RBFOX1: variants seen among roughly 807,000 people sequenced by gnomAD.
RBFOX1 encodes RNA binding protein fox-1 homolog 1.
A neutral mutation model predicts 57.7 loss-of-function variants in RBFOX1; 8 were observed. That is an observed-to-expected ratio of 0.14 (90% CI 0.08 to 0.25). The LOEUF (loss-of-function observed/expected upper bound fraction) is 0.25, where lower values mean the gene tolerates loss of function less well. Ranked by LOEUF, RBFOX1 falls within the 10% of genes least tolerant of loss-of-function variation. The pLI is 1.00. For synonymous variants in RBFOX1, 326 were observed against 222.4 expected (o/e 1.47, Z -4.15); for missense variants, 611 against 548.5 (o/e 1.11, Z -1.14).
intron 1 of RBFOX1, among the ~76,000 whole-genome samples, chr16:6,148,787 A>G (rs1427358013): frequency 6.6e-6 from 1 of 152,192 alleles, no homozygotes; most frequent in Non-Finnish European, 1.5e-5. Flanking sequence ...TAAAACCACA[A>G]GGGTGGAGTG....
intron 4 of RBFOX1, among the ~76,000 whole-genome samples, chr16:7,204,167 C>G (rs1567695208): frequency 6.6e-6 from 1 of 152,338 alleles, no homozygotes; most frequent in East Asian, 1.9e-4. Flanking sequence ...TTTACTTTCT[C>G]AGAGTAACCA....
intron 2 of RBFOX1, among the ~76,000 whole-genome samples, chr16:5,540,642 A>C (rs1274722287): frequency 6.6e-6 from 1 of 152,158 alleles, no homozygotes; most frequent in South Asian, 2.1e-4. Flanking sequence ...TTAAAAATCC[A>C]GATTTCTGGG....
At chr16:5,375,275 C>G (rs911011650) in intron 1 of RBFOX1, among the ~76,000 whole-genome samples, 1 of 152,014 alleles carries the variant, frequency 6.6e-6, no homozygotes, top group African/African-American at 2.4e-5. Flanking sequence ...AAGCTGTTTT[C>G]CAGGGATCCA....
chr16:7,319,250 G>A (rs568764497), intron 4 of RBFOX1, among the ~76,000 whole-genome samples: 2 of 152,124 alleles, frequency 1.3e-5, no homozygotes, highest in African/African-American at 2.4e-5. Flanking sequence ...GAATTTCCAC[G>A]TTGAGCTCTA....
chr16:5,705,819 A>G (rs1355790549), intron 3 of RBFOX1, among the ~76,000 whole-genome samples: 1 of 152,244 alleles, frequency 6.6e-6, no homozygotes, highest in Non-Finnish European at 1.5e-5. Context: ...TTTGCTTATT[A>G]TCATATCCGT....
At chr16:5,667,895 G>T (rs1177316544) in intron 3 of RBFOX1, among the ~76,000 whole-genome samples, 1 of 152,164 alleles carries the variant, frequency 6.6e-6, no homozygotes, top group Non-Finnish European at 1.5e-5. Flanking sequence ...AACTGCCTGT[G>T]GCAAGGATGT....
chr16:6,784,997 G>A (rs574982880), intron 3 of RBFOX1, among the ~76,000 whole-genome samples: 2 of 151,992 alleles, frequency 1.3e-5, no homozygotes, highest in Middle Eastern at 3.4e-3. Context: ...ACTCATGGTT[G>A]GCATTGACAT....
intron 4 of RBFOX1, among the ~76,000 whole-genome samples, chr16:5,936,525 C>G (rs1456964351): frequency 1.3e-5 from 2 of 152,204 alleles, no homozygotes. Flanking sequence ...CCAAGTTCCT[C>G]TGCCCATGTC....
At chr16:7,631,314 G>T (rs909834430) in intron 11 of RBFOX1, among the ~76,000 whole-genome samples, 2 of 152,180 alleles carry the variant, frequency 1.3e-5, no homozygotes, top group Non-Finnish European at 2.9e-5. Flanking sequence ...AGTGCGGGAG[G>T]GAAGAGACCC....
chr16:6,657,532 G>A (rs1209989026), intron 3 of RBFOX1, among the ~76,000 whole-genome samples: 1 of 152,072 alleles, frequency 6.6e-6, no homozygotes, highest in Non-Finnish European at 1.5e-5. Flanking sequence ...GTCAGGTTCT[G>A]GGAGTGCACT....
intron 3 of RBFOX1, among the ~76,000 whole-genome samples, chr16:6,716,230 C>G (rs185221832): frequency 6.6e-6 from 1 of 152,178 alleles, no homozygotes; most frequent in South Asian, 2.1e-4. Context: ...GAAATTGCTT[C>G]TCTTAGTATG....
intron 4 of RBFOX1, among the ~76,000 whole-genome samples, chr16:7,401,654 A>T (rs1416390401): frequency 6.6e-6 from 1 of 152,224 alleles, no homozygotes; most frequent in East Asian, 1.9e-4. Context: ...ACTTTTCATT[A>T]TCTATCAAGT....
chr16:7,606,364 C>A (rs958751561), intron 9 of RBFOX1, among the ~76,000 whole-genome samples: 2 of 151,244 alleles, frequency 1.3e-5, no homozygotes, highest in East Asian at 3.9e-4. Context: ...CTCGTGATCT[C>A]CCTGCCTTGG....
chr16:6,010,998 C>T (rs144151496), intron 4 of RBFOX1, among the ~76,000 whole-genome samples: 1 of 152,150 alleles, frequency 6.6e-6, no homozygotes, highest in Non-Finnish European at 1.5e-5. Flanking sequence ...CCACCAGTAA[C>T]CACTGCAAAT....
At chr16:6,551,956 A>G (rs936356929) in intron 2 of RBFOX1, among the ~76,000 whole-genome samples, 4 of 152,186 alleles carry the variant, frequency 2.6e-5, no homozygotes, top group Non-Finnish European at 5.9e-5. Flanking sequence ...TTTCAGAAGG[A>G]TTTGCCTCTC....
chr16:6,502,150 G>A (rs918280353), intron 2 of RBFOX1, among the ~76,000 whole-genome samples: 4 of 152,068 alleles, frequency 2.6e-5, no homozygotes, highest in Non-Finnish European at 4.4e-5. Flanking sequence ...TCAGGCATTG[G>A]CTTTAGCTAG....
chr16:7,221,451 C>G (rs1268282124), intron 4 of RBFOX1, among the ~76,000 whole-genome samples: 3 of 151,986 alleles, frequency 2.0e-5, no homozygotes, highest in African/African-American at 7.2e-5. Context: ...ACTGCAACCT[C>G]TCCCTCCCAG....
intron 4 of RBFOX1, among the ~76,000 whole-genome samples, chr16:7,057,479 A>G (rs749115061): frequency 2.6e-5 from 4 of 152,168 alleles, no homozygotes; most frequent in Non-Finnish European, 5.9e-5. Context: ...CACACCTTCT[A>G]GCCCCTAAGA....
At chr16:6,852,355 G>C (rs760406328) in intron 3 of RBFOX1, among the ~76,000 whole-genome samples, 1 of 152,022 alleles carries the variant, frequency 6.6e-6, no homozygotes, top group Non-Finnish European at 1.5e-5. Context: ...AATCCAGGTT[G>C]ATCACCCATT....
Sources: gnomAD v4.1 joint callset for allele counts (sites outside exome capture counted in the v4.1 genomes callset) on GRCh38, gnomAD v4.1.1 for gene constraint, MANE v1.5 for transcripts, NCBI Gene and HGNC (gene_info 2026-07-23, HGNC 2026-07-21) for gene names.